The following PPM1D variants were observed in gnomAD, a reference collection of about 807,000 sequenced individuals.
PPM1D encodes protein phosphatase, Mg2+/Mn2+ dependent 1D.
A neutral mutation model predicts 58.3 loss-of-function variants in PPM1D; 52 were observed. The ratio of observed to expected loss-of-function variants is 0.89; its 90% CI spans 0.71 to 1.12. PPM1D has a LOEUF of 1.12. Ranked by LOEUF, PPM1D falls within the 50% of genes most tolerant of loss-of-function variation. PPM1D has a pLI of 0.00. For synonymous variants in PPM1D, 278 were observed against 285.1 expected (o/e 0.98, Z 0.25); for missense variants, 564 against 777.2 (o/e 0.73, Z 3.26).
intron 5 of PPM1D, among the ~76,000 whole-genome samples, chr17:60,661,648 A>G (rs1165048879): frequency 1.3e-5 from 2 of 152,150 alleles, no homozygotes; most frequent in Non-Finnish European, 2.9e-5. Flanking sequence ...ATTTGTTTTC[A>G]TCAATTGGGA....
intron 1 of PPM1D, among the ~76,000 whole-genome samples, chr17:60,614,629 A>G (rs532399288): frequency 5.9e-5 from 9 of 152,188 alleles, no homozygotes; most frequent in South Asian, 2.1e-4. Flanking sequence ...TTTGCAATAA[A>G]TCTTGCTGCT....
intron 3 of PPM1D, among the ~76,000 whole-genome samples, chr17:60,645,617 T>C (rs2031234425): frequency 7.1e-6 from 1 of 141,104 alleles, no homozygotes; most frequent in Non-Finnish European, 1.5e-5. Flanking sequence ...TGTGTGTATA[T>C]ATATATGTAT....
At chr17:60,631,868 T>A (rs897987802) in intron 2 of PPM1D, among the ~76,000 whole-genome samples, 1 of 152,136 alleles carries the variant, frequency 6.6e-6, no homozygotes, top group Non-Finnish European at 1.5e-5. Flanking sequence ...ATTATCAGTG[T>A]TTTTTCCTAA....
intron 3 of PPM1D, among the ~76,000 whole-genome samples, chr17:60,645,574 A>AGATATGTGTGTGTGTATATATG: frequency 7.8e-6 from 1 of 127,916 alleles, no homozygotes; most frequent in East Asian, 2.3e-4. Flanking sequence ...ATATATATGT[A>AGATATGTGTGTGTGTATATATG]TATATATATG....
chr17:60,647,736 T>C (rs1200496505), intron 3 of PPM1D, among the ~76,000 whole-genome samples, 156 bp from the exon 4 acceptor site: 6 of 152,356 alleles, frequency 3.9e-5, no homozygotes, highest in African/African-American at 1.2e-4. Flanking sequence ...ATTCTTAGTT[T>C]GCTAGGAAAT....
Position 60,600,648 on chromosome 17 carries a change from T to A in PPM1D, c.234T>A (p.Pro78=), listed in dbSNP as rs753797452. 4.2e-4 allele frequency: 656 copies of A among 1,547,716 alleles called. 1 individual carries two copies. Among genetic ancestry groups the A allele is most frequent in the Non-Finnish European group, 3.8e-4 (442 of 1,150,734 alleles). Residue 78 remains proline (P), a synonymous_variant, in exon 1 of 6, where the codon CCT becomes CCA. Coordinates refer to ENST00000305921, the MANE Select transcript of PPM1D (RefSeq NM_003620.4). ...PAVAAREARD[P]LPDAGASPAP... is the part of the protein sequence containing the mutation. ...TGGCAGCCCGAGAGGCTCGCGACCC[T>A]CTCCCGGACGCCGGGGCCTCGCCGG...
At chr17:60,640,572 T>C (rs1183776458) in intron 3 of PPM1D, among the ~76,000 whole-genome samples, 1 of 152,228 alleles carries the variant, frequency 6.6e-6, no homozygotes, top group African/African-American at 2.4e-5. Flanking sequence ...AGGAAGTACA[T>C]GTACAGGTTT....
At chr17:60,631,204 C>T (rs767085785) in intron 2 of PPM1D, among the ~76,000 whole-genome samples, 21 of 151,952 alleles carry the variant, frequency 1.4e-4, no homozygotes, top group Non-Finnish European at 2.1e-4. Context: ...CCTTTGGTCC[C>T]AGCTATTTGG....
chr17:60,645,976 T>A (rs1242826724), intron 3 of PPM1D, among the ~76,000 whole-genome samples: 1 of 151,992 alleles, frequency 6.6e-6, no homozygotes, highest in Non-Finnish European at 1.5e-5. Flanking sequence ...GACCGCCATC[T>A]CTACAAAAAA....
rs761683250 is a variant in PPM1D at position 60,663,412 on chromosome 17, G to C, written c.1678G>C (p.Gly560Arg). The C allele has an allele frequency of 7.4e-6, 12 of 1,614,174 alleles. No individual in the cohort carries two copies. The highest frequency in any genetic ancestry group is 1.6e-4 in the Middle Eastern group (1 of 6,062). ...HRRNGLSRSS[G>R]AQPASLPTTS... The stretch of plus-strand genomic sequence containing the variant: ...ACGAAATGGCTTAAGTCGAAGTAGT[G>C]GTGCTCAGCCTGCAAGTCTCCCCAC... The change falls in exon 6 of 6, where the codon GGT (glycine) becomes CGT (arginine). Residue 560 changes from glycine (G) to arginine (R), a missense_variant. Transcript: ENST00000305921.
intron 2 of PPM1D, among the ~76,000 whole-genome samples, chr17:60,629,130 T>C (rs936543761): frequency 2.0e-5 from 3 of 152,370 alleles, no homozygotes; most frequent in Non-Finnish European, 4.4e-5. Flanking sequence ...TCACCTCTGT[T>C]GTAAGACAGC....
intron 1 of PPM1D, among the ~76,000 whole-genome samples, chr17:60,612,142 C>T (rs991967998): frequency 6.6e-6 from 1 of 152,060 alleles, no homozygotes; most frequent in Non-Finnish European, 1.5e-5. Context: ...GCATGTCAAG[C>T]CATCATCACA....
chr17:60,664,371 CAGAT>C lies in PPM1D; in HGVS notation c.*820_*823del, dbSNP rs2031583334. 6.6e-6 allele frequency: 1 copy of C among 152,622 alleles called. No individual in the cohort carries two copies. The allele number at this position is 152,622 out of a possible 1,614,324, so 9.5% of individuals were successfully genotyped here. On this transcript the variant is annotated 3_prime_UTR_variant, in exon 6 of 6. Transcript: ENST00000305921. ...GAAGTTTTCCTTGCTATTTCAATAA[CAGAT>C]GGTGCTGCTAATTCCCAACATTTCT...
intron 3 of PPM1D, among the ~76,000 whole-genome samples, chr17:60,640,825 T>G (rs1290432840): frequency 1.3e-5 from 2 of 151,096 alleles, no homozygotes; most frequent in Non-Finnish European, 2.9e-5. Flanking sequence ...AATTGGAAAT[T>G]TCTTTTATTT....
Position 60,600,567 on chromosome 17 carries a change from G to T in PPM1D, c.153G>T (p.Pro51=). 6.4e-7 allele frequency: 1 copy of T among 1,552,536 alleles called. No individual in the cohort carries two copies. Reference sequence around the variant, plus strand: ...GGTCGCTGTCTCAGCCGTTGCCTCCGCGGCCGTCGCCGGCCGCCCTTCCCG... The same window carrying T: ...GGTCGCTGTCTCAGCCGTTGCCTCCTCGGCCGTCGCCGGCCGCCCTTCCCG... ...PRRSLSQPLP[P]RPSPAALPGG... Residue 51 remains proline, a synonymous_variant, in exon 1 of 6, where the codon CCG becomes CCT. Coordinates refer to ENST00000305921, the MANE Select transcript of PPM1D (RefSeq NM_003620.4).
chr17:60,638,449 A>G (rs1183156380), intron 3 of PPM1D, among the ~76,000 whole-genome samples: 1 of 151,978 alleles, frequency 6.6e-6, no homozygotes. Context: ...GCTCACTGCA[A>G]CTTCCGCCTC....
chr17:60,648,299 C>T (rs2031283659), intron 4 of PPM1D, among the ~76,000 whole-genome samples: 1 of 151,926 alleles, frequency 6.6e-6, no homozygotes, highest in Admixed American at 6.6e-5. Context: ...CACACAACCA[C>T]TGACTTCAGT....
Position 60,621,201 on chromosome 17 carries a change from G to A in PPM1D, c.473-2320G>A, listed in dbSNP as rs139308990. On this transcript the variant is annotated intron_variant, in intron 1 of 5. Transcript: ENST00000305921. ...GCCTCCCAAAGTGCTGGGATTACAT[G>A]TGTGAGCCACCGCATCCGGCCTGAG... 9.9e-3 allele frequency among the ~76,000 whole-genome samples: 1,504 copies of A among 152,318 alleles called. 11 individuals carry two copies. The highest frequency in any genetic ancestry group is 0.015 in the Non-Finnish European group (1,013 of 68,036).
intron 4 of PPM1D, among the ~76,000 whole-genome samples, chr17:60,655,682 TTTTCTTTTTTTCTTTTTCTTTC>T (rs924264125): frequency 6.6e-6 from 1 of 150,466 alleles, no homozygotes; most frequent in African/African-American, 2.5e-5. Context: ...TAACTTTTTC[TTTTCTTTTTTTCTTTTTCTTTC>T]TTTCTTTTTT....
Sources: allele counts gnomAD v4.1 joint callset (sites outside exome capture counted in the v4.1 genomes callset), GRCh38; gene constraint gnomAD v4.1.1; transcripts MANE v1.5; gene names NCBI Gene and HGNC (gene_info 2026-07-23, HGNC 2026-07-21).